Variants in CSMD3 observed in about 807,000 individuals in gnomAD.
The protein encoded by CSMD3 is CUB and sushi domain-containing protein 3.
In CSMD3, 177 loss-of-function variants were observed where a neutral mutation model predicts 435.2. The ratio of observed to expected loss-of-function variants is 0.41; its 90% CI spans 0.36 to 0.46. The LOEUF (loss-of-function observed/expected upper bound fraction) is 0.46, where lower values mean the gene tolerates loss of function less well. Ranked by LOEUF, CSMD3 falls within the 20% of genes least tolerant of loss-of-function variation. CSMD3 has a pLI of 0.34. For synonymous variants in CSMD3, 1,656 were observed against 1,520.5 expected (o/e 1.09, Z -2.07); for missense variants, 4,265 against 4,504.6 (o/e 0.95, Z 1.52).
chr8:112,312,790 G>A (rs776626833), intron 49 of CSMD3, among the ~76,000 whole-genome samples: 2 of 152,098 alleles, frequency 1.3e-5, no homozygotes, highest in Non-Finnish European at 2.9e-5. Flanking sequence ...ATATGTAGTT[G>A]TAAATTTGTA....
At position 113,120,454 on chromosome 8, in the gene CSMD3, A is replaced by G. The variant is rs73342242; in HGVS notation, c.710-21491T>C. On this transcript the variant is annotated intron_variant, in intron 4 of 70. Coordinates refer to ENST00000297405, the MANE Select transcript of CSMD3 (RefSeq NM_198123.2). Reference sequence around the variant, plus strand: ...TGCATACTTAAATACATACATAAATATTTTAAAATTCAAAGTCGTGAACAA... The same window carrying G: ...TGCATACTTAAATACATACATAAATGTTTTAAAATTCAAAGTCGTGAACAA... Among the ~76,000 whole-genome samples, 450 of 152,290 alleles carry G rather than the reference A, an allele frequency of 3.0e-3. 3 individuals are homozygous for G. The highest frequency in any genetic ancestry group is 0.01 in the African/African-American group (416 of 41,588).
chr8:112,690,918 A>G (rs2076122088), intron 13 of CSMD3, among the ~76,000 whole-genome samples: 1 of 152,112 alleles, frequency 6.6e-6, no homozygotes, highest in Admixed American at 6.6e-5. Context: ...TTTAAGATAA[A>G]GTTATAGTCT....
At chr8:112,870,622 C>T (rs911086246) in intron 10 of CSMD3, among the ~76,000 whole-genome samples, 1 of 152,066 alleles carries the variant, frequency 6.6e-6, no homozygotes, top group South Asian at 2.1e-4. Flanking sequence ...TAAAAAATTT[C>T]ACCAAACAAA....
At chr8:113,245,822 A>G (rs1456771278) in intron 3 of CSMD3, among the ~76,000 whole-genome samples, 1 of 152,056 alleles carries the variant, frequency 6.6e-6, no homozygotes, top group African/African-American at 2.4e-5. Flanking sequence ...TCTGCTGGTG[A>G]TAAATTCTCT....
chr8:112,539,334 A>G (rs1413027490), intron 27 of CSMD3: 2 of 152,176 alleles, frequency 1.3e-5, no homozygotes, highest in Admixed American at 1.3e-4. Context: ...CAAAATTTTT[A>G]TTTAGTAAAA....
intron 1 of CSMD3, among the ~76,000 whole-genome samples, chr8:113,356,246 C>T (rs930392906): frequency 6.6e-6 from 1 of 152,074 alleles, no homozygotes; most frequent in Non-Finnish European, 1.5e-5. Flanking sequence ...AGTTTACCCC[C>T]AGTTTTAGTG....
chr8:113,370,719 T>C (rs1386066717), intron 1 of CSMD3, among the ~76,000 whole-genome samples: 1 of 151,980 alleles, frequency 6.6e-6, no homozygotes, highest in Non-Finnish European at 1.5e-5. Context: ...TCTCTGGCAA[T>C]AAATCTCTTC....
At chr8:112,612,070 T>C (rs1188245906) in intron 22 of CSMD3, among the ~76,000 whole-genome samples, 1 of 152,074 alleles carries the variant, frequency 6.6e-6, no homozygotes, top group African/African-American at 2.4e-5. Flanking sequence ...AAATAACCAA[T>C]TTTACCTATA....
rs76347401 is a variant in CSMD3, at chr8:113,133,426, A to T, written c.710-34463T>A. Among the ~76,000 whole-genome samples, 742 of 152,280 alleles carry T rather than the reference A, an allele frequency of 4.9e-3. 6 individuals are homozygous for T. The highest frequency in any genetic ancestry group is 0.017 in the African/African-American group (697 of 41,578). On this transcript the variant is annotated intron_variant, in intron 4 of 70. Transcript: ENST00000297405. ...ATAACAAACAACATCAAAGCAAAAAATAACAAGTGTTGGCAAAAATGTGGA... is the reference window on the plus strand; with the variant it reads ...ATAACAAACAACATCAAAGCAAAAATTAACAAGTGTTGGCAAAAATGTGGA...
chr8:112,996,486 G>A (rs1173009348), intron 6 of CSMD3, among the ~76,000 whole-genome samples: 1 of 151,642 alleles, frequency 6.6e-6, no homozygotes, highest in Admixed American at 6.6e-5. Context: ...CATAAGCACA[G>A]GCAGGGAAAT....
intron 3 of CSMD3, among the ~76,000 whole-genome samples, chr8:113,264,089 T>TGATG (rs1159400732): frequency 6.6e-6 from 1 of 151,378 alleles, no homozygotes; most frequent in East Asian, 1.9e-4. Flanking sequence ...TTATTTTTTA[T>TGATG]GATGTACCAC....
intron 30 of CSMD3, among the ~76,000 whole-genome samples, chr8:112,498,520 G>A (rs1821603485): frequency 6.6e-6 from 1 of 152,072 alleles, no homozygotes; most frequent in South Asian, 2.1e-4. Flanking sequence ...GTTACCTAGA[G>A]AAAGCATTAT....
chr8:112,285,253 A>G (rs908294248), intron 58 of CSMD3, among the ~76,000 whole-genome samples: 1 of 152,148 alleles, frequency 6.6e-6, no homozygotes, highest in African/African-American at 2.4e-5. Context: ...TGTCACCTAC[A>G]CAATGTTGCA....
chr8:113,375,110 C>T (rs2094373087), intron 1 of CSMD3, among the ~76,000 whole-genome samples: 1 of 152,066 alleles, frequency 6.6e-6, no homozygotes, highest in African/African-American at 2.4e-5. Flanking sequence ...TCCTCACCTA[C>T]AAAATCAATC....
chr8:112,586,203 G>A (rs911426233), intron 23 of CSMD3, among the ~76,000 whole-genome samples: 3 of 151,284 alleles, frequency 2.0e-5, no homozygotes, highest in Admixed American at 6.6e-5. Flanking sequence ...GAATTCTCCT[G>A]CTGCAGCCAA....
intron 3 of CSMD3, among the ~76,000 whole-genome samples, chr8:113,277,789 A>G (rs1187660575): frequency 6.6e-6 from 1 of 152,004 alleles, no homozygotes; most frequent in South Asian, 2.1e-4. Context: ...GTCAAATCAC[A>G]TAGATAAGAA....
At chr8:112,678,405 T>C (rs1183336167) in intron 16 of CSMD3, among the ~76,000 whole-genome samples, 1 of 152,146 alleles carries the variant, frequency 6.6e-6, no homozygotes, top group Admixed American at 6.6e-5. Flanking sequence ...TAATCAAAAG[T>C]ACCTGCAACA....
intron 59 of CSMD3, among the ~76,000 whole-genome samples, chr8:112,275,654 G>A (rs966828017): frequency 1.3e-5 from 2 of 152,134 alleles, no homozygotes; most frequent in East Asian, 1.9e-4. Context: ...TTACATGGTG[G>A]CAGGCAAGAA....
At chr8:113,272,080 T>A (rs145801292) in intron 3 of CSMD3, among the ~76,000 whole-genome samples, 1,541 of 152,324 alleles carry the variant, frequency 0.01, 22 homozygotes, top group African/African-American at 0.036. Flanking sequence ...TCAATACCTG[T>A]ACCCCCATTG....
Sources: allele counts gnomAD v4.1 joint callset (sites outside exome capture counted in the v4.1 genomes callset), GRCh38; gene constraint gnomAD v4.1.1; transcripts MANE v1.5; gene names NCBI Gene and HGNC (gene_info 2026-07-23, HGNC 2026-07-21).